The following PXN variants were observed in gnomAD, a reference collection of about 807,000 sequenced individuals.
PXN encodes the protein paxillin, also known as testicular tissue protein Li 134.
PXN carries 61 observed loss-of-function variants against 103.6 expected under a neutral mutation model. That is an observed-to-expected ratio of 0.59 (90% CI 0.48 to 0.73). The LOEUF is 0.73. Ranked by LOEUF, PXN falls within the 30% of genes least tolerant of loss-of-function variation. The pLI is 0.00. For synonymous variants in PXN, 562 were observed against 607.8 expected (o/e 0.92, Z 1.11); for missense variants, 1,274 against 1,460.3 (o/e 0.87, Z 2.08).
intron 1 of PXN, among the ~76,000 whole-genome samples, chr12:120,259,630 G>C (rs1006681546): frequency 6.6e-6 from 1 of 152,148 alleles, no homozygotes; most frequent in African/African-American, 2.4e-5. Flanking sequence ...AGGCCTCCCT[G>C]GAGAGGCCAG....
Position 120,215,936 on chromosome 12 carries a change from C to T in PXN, c.2302-275G>A. ...CTCAGTGATGAGGCCTCACCGGGCG[C>T]TGGGCCTGGGGGCTGGAAGGGAGGA... On this transcript the variant is annotated intron_variant, in intron 9 of 14. Transcript: ENST00000637617. This position sits in a 1 kb window ranked among gnomAD's most constrained non-coding sequence, Gnocchi z 4.9. The T allele has an allele frequency of 1.4e-6, 2 of 1,382,220 alleles. No individual in the cohort carries two copies. The highest frequency in any genetic ancestry group is 9.4e-7 in the Non-Finnish European group (1 of 1,068,842). The allele number at this position is 1,382,220 out of a possible 1,614,324, so 85.6% of individuals were successfully genotyped here. A position where few individuals can be genotyped will look rare whatever the true frequency, so the allele number is the denominator to read the frequency against.
chr12:120,228,752 G>C lies in PXN; in HGVS notation c.14-4375C>G, dbSNP rs1183448175. On this transcript the variant is annotated intron_variant, in intron 1 of 14. Transcript: ENST00000637617. The surrounding 1 kb of genome is among the most constrained non-coding windows in gnomAD (Gnocchi z 4.7). ...TGACATGCAGGGCTCTGGAGAACCAGAGGGGTGCACGCCCTCGCTTCCAGG... is the reference window on the plus strand; with the variant it reads ...TGACATGCAGGGCTCTGGAGAACCACAGGGGTGCACGCCCTCGCTTCCAGG... Among the ~76,000 whole-genome samples, 3 of 152,222 alleles carry C rather than the reference G, an allele frequency of 2.0e-5. No individual in the cohort carries two copies. Among genetic ancestry groups the C allele is most frequent in the African/African-American group, 7.2e-5 (3 of 41,454 alleles).
In PXN at chr12:120,229,758, C is replaced by G. The variant is rs1323879462; in HGVS notation, c.14-5381G>C. Reference sequence around the variant, plus strand: ...AGGGGAAAGAAATCACCTCCCCGTCCTATCCAATCCCTGAGGGCAAAGGGT... The same window carrying G: ...AGGGGAAAGAAATCACCTCCCCGTCGTATCCAATCCCTGAGGGCAAAGGGT... On this transcript the variant is annotated intron_variant, in intron 1 of 14. Coordinates refer to ENST00000637617, the MANE Select transcript of PXN (RefSeq NM_001385981.1). This position sits in a 1 kb window ranked among gnomAD's most constrained non-coding sequence, Gnocchi z 4.0. 6.6e-6 allele frequency among the ~76,000 whole-genome samples: 1 copy of G among 152,204 alleles called. No individual in the cohort carries two copies.
rs763910021 is a variant in PXN at position 120,215,132 on chromosome 12, C to T, written c.2545G>A (p.Gly849Arg). The change falls in exon 11 of 15, where the codon GGG becomes AGG. Residue 849 changes from glycine to arginine, a missense_variant. This residue lies in a region of PXN where 1,178 missense variants were observed against 1,309.0 expected (regional missense o/e 0.90). Transcript: ENST00000637617. This position sits in a 1 kb window ranked among gnomAD's most constrained non-coding sequence, Gnocchi z 4.9. ...GVATVAKGVC[G>R]ACKKPIAGQV... ...CCGGCGATGGGCTTCTTGCAGGCCC[C>T]GCAGACTCCTTTGGCGACTGTGGCG... 2.9e-5 allele frequency: 45 copies of T among 1,574,278 alleles called. No homozygotes were observed. Among genetic ancestry groups the T allele is most frequent in the Admixed American group, 7.0e-5 (4 of 57,114 alleles).
rs1446354012 is a variant in PXN, at chr12:120,265,692, T to G, written c.-63A>C. 2 of 1,352,462 alleles carry G rather than the reference T, an allele frequency of 1.5e-6. No individual in the cohort carries two copies. Among genetic ancestry groups the G allele is most frequent in the Non-Finnish European group, 1.9e-6 (2 of 1,048,078 alleles). 83.8% of individuals were successfully genotyped at this position (1,352,462 alleles called of 1,614,324 possible). ...TGCCCGTCCCGGGGCCGCTCGTCTA[T>G]GCCCCGCAACTTTTCCGCCGCGAGC... On this transcript the variant is annotated 5_prime_UTR_variant, in exon 1 of 15. Transcript: ENST00000637617. This position sits in a 1 kb window ranked among gnomAD's most constrained non-coding sequence, Gnocchi z 5.7.
chr12:120,226,344 G>A (rs1886869713), intron 1 of PXN: 4 of 1,289,242 alleles, frequency 3.1e-6, no homozygotes, highest in Non-Finnish European at 3.0e-6. Context: ...CTGGGGCCAG[G>A]AGCTTCACCT....
In PXN at chr12:120,224,993, C is replaced by G. The variant is rs1301266619; in HGVS notation, c.14-616G>C. On this transcript the variant is annotated intron_variant, in intron 1 of 14. Coordinates refer to ENST00000637617, the MANE Select transcript of PXN (RefSeq NM_001385981.1). The surrounding 1 kb of genome is among the most constrained non-coding windows in gnomAD (Gnocchi z 5.0). ...AGGCTGGTGCAGCGGTCCCCACCCC[C>G]TCAGTGAGCAGGGGGCAAGACTGCT... 1 of 336,894 alleles carries G rather than the reference C, an allele frequency of 3.0e-6. No individual in the cohort carries two copies. The highest frequency in any genetic ancestry group is 5.9e-6 in the Non-Finnish European group (1 of 168,374). The allele number at this position is 336,894 out of a possible 1,614,324, so 20.9% of individuals were successfully genotyped here.
chr12:120,231,754 C>T (rs773554047), intron 1 of PXN, among the ~76,000 whole-genome samples: 1 of 152,188 alleles, frequency 6.6e-6, no homozygotes, highest in Non-Finnish European at 1.5e-5. Context: ...TAACCAGAGA[C>T]CTGAGAAAAT....
intron 1 of PXN, chr12:120,250,069 C>A: frequency 1.0e-6 from 1 of 985,570 alleles, no homozygotes; most frequent in Non-Finnish European, 1.2e-6. Context: ...CACACCCACC[C>A]CAGAGGAGCC....
At chr12:120,246,614 G>C (rs995053761) in intron 1 of PXN, among the ~76,000 whole-genome samples, 38 of 151,808 alleles carry the variant, frequency 2.5e-4, no homozygotes, top group African/African-American at 9.2e-4. Flanking sequence ...CAGCCCTTTG[G>C]GAGGCTGAGG....
chr12:120,233,917 C>T (rs1888539333), intron 1 of PXN, among the ~76,000 whole-genome samples: 1 of 152,150 alleles, frequency 6.6e-6, no homozygotes, highest in South Asian at 2.1e-4. Flanking sequence ...GAGCCTCTCG[C>T]ACAAGGATAT....
At position 120,214,799 on chromosome 12, in the gene PXN, G is replaced by T; in HGVS notation, c.2748+26C>A. ...GGTGAAGCTGGAATGAGCGGAAGCG[G>T]GCGCGGTGCCGGATGAGGAACTCAC... On this transcript the variant is annotated intron_variant, in intron 12 of 14. Coordinates refer to ENST00000637617, the MANE Select transcript of PXN (RefSeq NM_001385981.1). The surrounding 1 kb of genome is among the most constrained non-coding windows in gnomAD (Gnocchi z 5.0). The T allele has an allele frequency of 5.0e-6, 8 of 1,612,750 alleles. No individual in the cohort carries two copies. Among genetic ancestry groups the T allele is most frequent in the Non-Finnish European group, 6.8e-6 (8 of 1,178,970 alleles).
intron 1 of PXN, among the ~76,000 whole-genome samples, chr12:120,251,711 G>A (rs1182483511): frequency 6.6e-6 from 1 of 152,174 alleles, no homozygotes; most frequent in Non-Finnish European, 1.5e-5. Flanking sequence ...CAGCTATTTG[G>A]GAGGCTGAGG....
intron 1 of PXN, among the ~76,000 whole-genome samples, chr12:120,259,876 T>C (rs1035183970): frequency 1.3e-5 from 2 of 152,166 alleles, no homozygotes; most frequent in African/African-American, 4.8e-5. Flanking sequence ...GCTTCCTGAT[T>C]CTCTCTTCCT....
At chr12:120,233,911 C>T (rs1422194460) in intron 1 of PXN, among the ~76,000 whole-genome samples, 3 of 152,294 alleles carry the variant, frequency 2.0e-5, no homozygotes, top group Admixed American at 1.3e-4. Context: ...TGGTTTGAGC[C>T]TCTCGCACAA....
Position 120,214,038 on chromosome 12 carries a change from G to A in PXN, c.2831-48C>T, listed in dbSNP as rs906129403. ...GCACAGTTCATTCCGGCTTCCAGAA[G>A]TGGAGCCACTCTGACTCCAACCTCA... is the stretch of plus-strand genomic sequence containing the variant. On this transcript the variant is annotated intron_variant, in intron 13 of 14. Coordinates refer to ENST00000637617, the MANE Select transcript of PXN (RefSeq NM_001385981.1). This position sits in a 1 kb window ranked among gnomAD's most constrained non-coding sequence, Gnocchi z 5.0. The A allele has an allele frequency of 1.9e-6, 3 of 1,598,080 alleles. No homozygotes were observed. Among genetic ancestry groups the A allele is most frequent in the African/African-American group, 1.3e-5 (1 of 74,598 alleles).
In PXN at chr12:120,214,917, A is replaced by G; in HGVS notation, c.2656T>C (p.Phe886Leu). 2 of 1,614,010 alleles carry G rather than the reference A, an allele frequency of 1.2e-6. No individual in the cohort carries two copies. The highest frequency in any genetic ancestry group is 1.7e-6 in the Non-Finnish European group (2 of 1,179,870). The change falls in exon 12 of 15, where the codon TTC (phenylalanine) becomes CTC (leucine). Residue 886 changes from phenylalanine to leucine, a missense_variant. Phe to Leu is a conservative substitution (Grantham distance 22). Coordinates refer to ENST00000637617, the MANE Select transcript of PXN (RefSeq NM_001385981.1). This position sits in a 1 kb window ranked among gnomAD's most constrained non-coding sequence, Gnocchi z 5.0. ...HCQEEIGSRN[F>L]FERDGQPYCE... ...TAGGGCTGTCCATCCCGCTCGAAGA[A>G]GTTCCGGGATCCGATCTCCTCCTGG...
chr12:120,214,720 G>T lies in PXN; in HGVS notation c.2748+105C>A. The T allele has an allele frequency of 7.0e-7, 1 of 1,430,134 alleles. No homozygotes were observed. Among genetic ancestry groups the T allele is most frequent in the Non-Finnish European group, 9.6e-7 (1 of 1,040,398 alleles). 88.6% of individuals were successfully genotyped at this position (1,430,134 alleles called of 1,614,324 possible). ...TGTTCCCTAGCCCTGTGAGCCTCGGGCATGTGACCTCTCTGAGCCTCCCAC... is the reference window on the plus strand; with the variant it reads ...TGTTCCCTAGCCCTGTGAGCCTCGGTCATGTGACCTCTCTGAGCCTCCCAC... On this transcript the variant is annotated intron_variant, in intron 12 of 14. Transcript: ENST00000637617. The surrounding 1 kb of genome is among the most constrained non-coding windows in gnomAD (Gnocchi z 5.0).
At chr12:120,255,068 G>A (rs200915025) in intron 1 of PXN, among the ~76,000 whole-genome samples, 4 of 152,276 alleles carry the variant, frequency 2.6e-5, no homozygotes, top group East Asian at 1.9e-4. Flanking sequence ...CTGCTGGTGC[G>A]CAGACCGGAA....
Sources: allele counts gnomAD v4.1 joint callset (sites outside exome capture counted in the v4.1 genomes callset), GRCh38; gene constraint gnomAD v4.1.1; regional missense constraint gnomAD v4.1.1; non-coding constraint Gnocchi (gnomAD v3.1); transcripts MANE v1.5; gene names NCBI Gene and HGNC (gene_info 2026-07-23, HGNC 2026-07-21).